Variants in RPS3 observed in about 807,000 individuals in gnomAD.
RPS3 encodes the protein ribosomal protein S3, also known as small ribosomal subunit protein uS3.
RPS3 carries 2 observed loss-of-function variants against 25.8 expected under a neutral mutation model. That is an observed-to-expected ratio of 0.08 (90% CI 0.03 to 0.24). RPS3 has a LOEUF of 0.24. Among genes scored for constraint, RPS3 ranks in the 10% least tolerant of loss-of-function variants. The probability of loss-of-function intolerance (pLI) is 1.00; values close to 1 mark genes in which losing one functional copy is unlikely to be tolerated. For missense variants in RPS3, 107 were observed against 307.1 expected, an observed-to-expected ratio of 0.35 and a Z score of 4.87; for synonymous variants, 114 against 114.2, an observed-to-expected ratio of 1.00 and a Z score of 0.01.
At chr11:75,416,339 A>G (rs1488536960) in intron 6 of RPS3, among the ~76,000 whole-genome samples, 1 of 152,100 alleles carries the variant, frequency 6.6e-6, no homozygotes, top group Non-Finnish European at 1.5e-5. Context: ...TACAGGTGCC[A>G]TGCTTTCTGT....
downstream of RPS3, among the ~76,000 whole-genome samples, chr11:75,409,117 G>C (rs979949692): frequency 5.3e-5 from 8 of 151,940 alleles, no homozygotes; most frequent in Non-Finnish European, 1.2e-4. Flanking sequence ...GGGTAGCTGG[G>C]ACTACAGGCA....
chr11:75,399,862 A>G (rs954659378), intron 1 of RPS3: 18 of 530,626 alleles, frequency 3.4e-5, no homozygotes, highest in South Asian at 1.2e-4. Context: ...GAATTAGTAA[A>G]CGTGGTATTT....
At chr11:75,420,076 G>T (rs1948430369) in intron 6 of RPS3, among the ~76,000 whole-genome samples, 1 of 152,182 alleles carries the variant, frequency 6.6e-6, no homozygotes, top group African/African-American at 2.4e-5. Context: ...TCTCAACAAG[G>T]GAGCGAACGG....
downstream of RPS3, among the ~76,000 whole-genome samples, chr11:75,409,283 T>TA (rs1322217861): frequency 2.1e-5 from 3 of 144,060 alleles, no homozygotes; most frequent in Non-Finnish European, 4.6e-5. Flanking sequence ...GGTCAGCAGA[T>TA]AAACAAGTGA....
In RPS3 at chr11:75,404,098, A is replaced by G; in HGVS notation, c.429A>G (p.Arg143=). ...AGGTTGTGGTGTCTGGGAAACTCCG[A>G]GGACAGAGGGCTAAATCCATGAAGT... ...GCEVVVSGKL[R]GQRAKSMKFV... The change falls in exon 5 of 7, where the codon CGA becomes CGG. Residue 143 remains arginine, a synonymous_variant. Coordinates refer to ENST00000531188, the MANE Select transcript of RPS3 (RefSeq NM_001005.5). This position sits in a 1 kb window ranked among gnomAD's most constrained non-coding sequence, Gnocchi z 4.6. 1 of 1,614,056 alleles carries G rather than the reference A, an allele frequency of 6.2e-7. No individual in the cohort carries two copies. The highest frequency in any genetic ancestry group is 8.5e-7 in the Non-Finnish European group (1 of 1,180,032).
chr11:75,410,801 C>T (rs1222640462), downstream of RPS3, among the ~76,000 whole-genome samples: 1 of 152,224 alleles, frequency 6.6e-6, no homozygotes, highest in Non-Finnish European at 1.5e-5. Context: ...CCGGCCAACA[C>T]AGCAAAACCC....
At chr11:75,417,465 C>T (rs879465862) in intron 6 of RPS3, among the ~76,000 whole-genome samples, 4 of 152,144 alleles carry the variant, frequency 2.6e-5, no homozygotes, top group Admixed American at 6.5e-5. Flanking sequence ...GGCGTGGTGG[C>T]GGGCACCTGT....
chr11:75,402,297 C>A, intron 3 of RPS3, 55 bp from the exon 4 acceptor site: 1 of 1,595,944 alleles, frequency 6.3e-7, no homozygotes, highest in Non-Finnish European at 8.6e-7. Flanking sequence ...AAATTTTCAA[C>A]TTTCAGTTGA....
chr11:75,404,653 C>T lies in RPS3; in HGVS notation c.539-19C>T. On this transcript the variant is annotated intron_variant, in intron 5 of 6. Coordinates refer to ENST00000531188, the MANE Select transcript of RPS3 (RefSeq NM_001005.5). This position sits in a 1 kb window ranked among gnomAD's most constrained non-coding sequence, Gnocchi z 4.6. ...CTTTGAGACCCCAGCTGTGTGCTAA[C>T]AACTGTGGTGTCCTCTAGGTGTGCT... The T allele has an allele frequency of 6.2e-7, 1 of 1,602,870 alleles. No individual in the cohort carries two copies. The highest frequency in any genetic ancestry group is 8.5e-7 in the Non-Finnish European group (1 of 1,172,382).
At chr11:75,405,360 A>G in intron 6 of RPS3, 1 of 274,964 alleles carries the variant, frequency 3.6e-6, no homozygotes, top group South Asian at 3.6e-5. Flanking sequence ...CACTTTTGCT[A>G]TTCTGTCCTT....
At chr11:75,410,908 G>A (rs192220500), downstream of RPS3, among the ~76,000 whole-genome samples, 70 of 152,230 alleles carry the variant, frequency 4.6e-4, no homozygotes, top group East Asian at 5.6e-3. Context: ...AGACAGTCTC[G>A]CTCTGTCACC....
downstream of RPS3, among the ~76,000 whole-genome samples, chr11:75,410,546 G>A (rs1948345598): frequency 6.6e-6 from 1 of 151,964 alleles, no homozygotes; most frequent in South Asian, 2.1e-4. Flanking sequence ...CCCAGACGAT[G>A]GGCGGCCAGG....
intron 1 of RPS3, 144 bp from the exon 2 acceptor site, chr11:75,400,550 C>A: frequency 8.4e-7 from 1 of 1,194,764 alleles, no homozygotes; most frequent in Non-Finnish European, 1.2e-6. Flanking sequence ...TTGCTGCACT[C>A]CTGTTGGAAC....
downstream of RPS3, among the ~76,000 whole-genome samples, chr11:75,410,051 G>C (rs1210142896): frequency 7.0e-5 from 10 of 143,092 alleles, no homozygotes; most frequent in Non-Finnish European, 1.4e-4. Flanking sequence ...GGACGGGGCG[G>C]CTGGCCAGGC....
downstream of RPS3, among the ~76,000 whole-genome samples, chr11:75,409,101 C>A (rs1281405199): frequency 6.6e-6 from 1 of 152,148 alleles, no homozygotes; most frequent in African/African-American, 2.4e-5. Context: ...CCCACTTCAA[C>A]CTCCCGGGTA....
intron 1 of RPS3, chr11:75,400,421 T>G: frequency 3.6e-6 from 2 of 559,910 alleles, no homozygotes; most frequent in South Asian, 2.8e-5. Flanking sequence ...CGAGTCTGAC[T>G]TGGGGATGTT....
At chr11:75,414,908 CAG>C (rs1263546429) in intron 6 of RPS3, among the ~76,000 whole-genome samples, 6 of 152,208 alleles carry the variant, frequency 3.9e-5, no homozygotes, top group Non-Finnish European at 7.3e-5. Flanking sequence ...CACTCCCAGA[CAG>C]AAGCTGGGCT....
downstream of RPS3, among the ~76,000 whole-genome samples, chr11:75,410,121 AC>A (rs1425942914): frequency 8.7e-6 from 1 of 114,816 alleles, no homozygotes; most frequent in African/African-American, 3.7e-5. Context: ...CGGGGGGCTG[AC>A]CCCACACCTC....
downstream of RPS3, among the ~76,000 whole-genome samples, chr11:75,410,908 G>T (rs192220500): frequency 5.3e-5 from 8 of 152,114 alleles, no homozygotes; most frequent in Non-Finnish European, 1.2e-4. Context: ...AGACAGTCTC[G>T]CTCTGTCACC....
Sources: gnomAD v4.1 joint callset for allele counts (sites outside exome capture counted in the v4.1 genomes callset) on GRCh38, gnomAD v4.1.1 for gene constraint, Gnocchi (gnomAD v3.1) non-coding constraint, MANE v1.5 for transcripts, NCBI Gene and HGNC (gene_info 2026-07-23, HGNC 2026-07-21) for gene names.